DMAC2L: variants seen among roughly 807,000 people sequenced by gnomAD.
The protein encoded by DMAC2L is ATP synthase subunit s, mitochondrial.
DMAC2L carries 21 observed loss-of-function variants against 22.5 expected under a neutral mutation model. The observed-to-expected ratio is 0.93, with a 90% CI of 0.66 to 1.34. DMAC2L has a LOEUF of 1.34. Among genes scored for constraint, DMAC2L ranks in the 40% most tolerant of loss-of-function variants. DMAC2L has a pLI of 0.00. For missense variants in DMAC2L, 239 were observed against 246.5 expected (o/e 0.97, Z 0.20); for synonymous variants, 86 against 89.5 (o/e 0.96, Z 0.22).
chr14:50,325,584 A>C, intron 5 of DMAC2L, 25 bp from the exon 6 acceptor site: 1 of 1,577,016 alleles, frequency 6.3e-7, no homozygotes, highest in East Asian at 2.3e-5. Flanking sequence ...GGCCAAATTG[A>C]AGTGACTTTT....
intron 3 of DMAC2L, among the ~76,000 whole-genome samples, 188 bp from the exon 4 acceptor site, chr14:50,322,323 C>T (rs6572657): frequency 0.57 from 86,549 of 152,032 alleles, 24,629 homozygotes; most frequent in Middle Eastern, 0.62. Context: ...CTAAAAAAGT[C>T]AGCAGATAGA....
chr14:50,323,071 AT>A (rs1019114093), intron 4 of DMAC2L: 60 of 929,004 alleles, frequency 6.5e-5, no homozygotes, highest in East Asian at 1.2e-4. Flanking sequence ...TTACGTGGGC[AT>A]TTTTTTTTCT....
chr14:50,314,605 A>G lies in DMAC2L; in HGVS notation c.-27A>G. On this transcript the variant is annotated 5_prime_UTR_variant, in exon 2 of 6. Coordinates refer to ENST00000557421, the MANE Select transcript of DMAC2L (RefSeq NM_001382507.1). Reference sequence around the variant, plus strand: ...TGTTTCTCTAGGATAAGTGCCCAAGAGTACAATTGCTGGGTCATATGGTAA... The same window carrying G: ...TGTTTCTCTAGGATAAGTGCCCAAGGGTACAATTGCTGGGTCATATGGTAA... 1 of 455,370 alleles carries G rather than the reference A, an allele frequency of 2.2e-6. No individual in the cohort carries two copies. Among genetic ancestry groups the G allele is most frequent in the South Asian group, 1.5e-5 (1 of 64,526 alleles). The allele number at this position is 455,370 out of a possible 1,614,324, so 28.2% of individuals were successfully genotyped here.
chr14:50,315,244 G>T (rs1331742455), intron 2 of DMAC2L, among the ~76,000 whole-genome samples: 1 of 151,954 alleles, frequency 6.6e-6, no homozygotes, highest in Admixed American at 6.6e-5. Context: ...GGGATTACAG[G>T]CATGAGCCAC....
chr14:50,321,351 C>T (rs2032253757), intron 2 of DMAC2L, 132 bp from the exon 3 acceptor site: 6 of 1,387,346 alleles, frequency 4.3e-6, no homozygotes, highest in Non-Finnish European at 5.6e-6. Flanking sequence ...ACAGGAGTGA[C>T]TTGCTCAGTA....
chr14:50,324,303 T>C, intron 5 of DMAC2L, 187 bp downstream of exon 5: 1 of 455,250 alleles, frequency 2.2e-6, no homozygotes, highest in Admixed American at 4.5e-5. Context: ...TAATGTTGTA[T>C]TGAATTTTTT....
intron 1 of DMAC2L, among the ~76,000 whole-genome samples, chr14:50,314,293 A>G (rs1292149701): frequency 6.6e-6 from 1 of 152,244 alleles, no homozygotes; most frequent in African/African-American, 2.4e-5. Flanking sequence ...GTTTCCCTGC[A>G]CAAGTTCTTT....
At chr14:50,322,227 T>C (rs1187808051) in intron 3 of DMAC2L, among the ~76,000 whole-genome samples, 1 of 152,252 alleles carries the variant, frequency 6.6e-6, no homozygotes, top group Non-Finnish European at 1.5e-5. Context: ...CACTGTACTA[T>C]ATGTGAATCA....
chr14:50,314,235 C>G (rs1015981403), intron 1 of DMAC2L, among the ~76,000 whole-genome samples: 4 of 152,188 alleles, frequency 2.6e-5, no homozygotes, highest in Non-Finnish European at 5.9e-5. Flanking sequence ...TGCTGTTCTC[C>G]AGATAGTGAA....
chr14:50,314,484 C>A, intron 1 of DMAC2L, 107 bp from the exon 2 acceptor site: 1 of 454,244 alleles, frequency 2.2e-6, no homozygotes, highest in South Asian at 1.6e-5. Flanking sequence ...CAACTGTTCA[C>A]TCATTGAAGG....
At chr14:50,312,486 G>A (rs1411016126) in intron 1 of DMAC2L, 97 bp downstream of exon 1, 3 of 417,112 alleles carry the variant, frequency 7.2e-6, no homozygotes, top group Non-Finnish European at 1.3e-5. Context: ...TGAAAACCTG[G>A]CCCTTTGGGT....
intron 2 of DMAC2L, chr14:50,319,349 C>T: frequency 1.3e-6 from 2 of 1,535,800 alleles, no homozygotes; most frequent in East Asian, 2.4e-5. Context: ...TCCACGGCCT[C>T]AGCATCCTCA....
At chr14:50,313,200 T>G (rs1267266644) in intron 1 of DMAC2L, 11 of 709,354 alleles carry the variant, frequency 1.6e-5, no homozygotes, top group Non-Finnish European at 2.5e-5. Flanking sequence ...AGTTTTTAAT[T>G]TTTAGGGTTA....
chr14:50,326,596 T>A lies in DMAC2L; in HGVS notation c.*873T>A, dbSNP rs78401946. 1.0e-6 allele frequency: 1 copy of A among 985,356 alleles called. No individual in the cohort carries two copies. The highest frequency in any genetic ancestry group is 1.7e-5 in the African/African-American group (1 of 57,242). 61.0% of individuals were successfully genotyped at this position (985,356 alleles called of 1,614,324 possible). A position where few individuals can be genotyped will look rare whatever the true frequency, so the allele number is the denominator to read the frequency against. On this transcript the variant is annotated 3_prime_UTR_variant, in exon 6 of 6. Transcript: ENST00000557421. ...AGACTTACTCAGAATCAACAGTTGC[T>A]GCTTAATTTGTCTATTTTGTAAGCT...
At chr14:50,325,114 A>G (rs113105301) in intron 5 of DMAC2L, among the ~76,000 whole-genome samples, 22 of 126,628 alleles carry the variant, frequency 1.7e-4, no homozygotes, top group African/African-American at 6.2e-4. Context: ...AGAGATCTCA[A>G]CATTCAAATT....
Position 50,326,012 on chromosome 14 carries a change from C to A in DMAC2L, c.*289C>A. 2.4e-6 allele frequency: 2 copies of A among 839,452 alleles called. No individual in the cohort carries two copies. Among genetic ancestry groups the A allele is most frequent in the Non-Finnish European group, 2.9e-6 (2 of 679,946 alleles). 52.0% of individuals were successfully genotyped at this position (839,452 alleles called of 1,614,324 possible). ...TGGGAGGCCAAAGCGGGCAGATCAC[C>A]TGAGGTCAGGAGTTCAAGACCAACC... On this transcript the variant is annotated 3_prime_UTR_variant, in exon 6 of 6. Coordinates refer to ENST00000557421, the MANE Select transcript of DMAC2L (RefSeq NM_001382507.1).
Position 50,327,651 on chromosome 14 carries a change from G to C in DMAC2L, c.*1928G>C, listed in dbSNP as rs2032760930. 1.3e-5 allele frequency: 2 copies of C among 151,982 alleles called. No individual in the cohort carries two copies. The highest frequency in any genetic ancestry group is 1.3e-4 in the Admixed American group (2 of 15,246). 9.4% of individuals were successfully genotyped at this position (151,982 alleles called of 1,614,324 possible). A position where few individuals can be genotyped will look rare whatever the true frequency, so the allele number is the denominator to read the frequency against. On this transcript the variant is annotated 3_prime_UTR_variant, in exon 6 of 6. Transcript: ENST00000557421. ...AGCTAATTTTTGTACTTTTAGTAGA[G>C]ACAGGGTTTCACCATCTTGGCCAGA... is the stretch of plus-strand genomic sequence containing the variant.
chr14:50,312,746 C>T, intron 1 of DMAC2L: 1 of 445,130 alleles, frequency 2.2e-6, no homozygotes, highest in East Asian at 4.0e-5. Flanking sequence ...AGTCGAGCGT[C>T]CACTAGAAGG....
intron 1 of DMAC2L, 52 bp from the exon 2 acceptor site, chr14:50,314,539 C>G (rs1226594044): frequency 6.6e-6 from 3 of 455,904 alleles, no homozygotes; most frequent in Non-Finnish European, 1.3e-5. Context: ...AATCAAGCAG[C>G]TGTGAACATG....
Sources: gnomAD v4.1 joint callset for allele counts (sites outside exome capture counted in the v4.1 genomes callset) on GRCh38, gnomAD v4.1.1 for gene constraint, MANE v1.5 for transcripts, NCBI Gene and HGNC (gene_info 2026-07-23, HGNC 2026-07-21) for gene names.